Variants in GALNT13 observed in about 807,000 individuals in gnomAD.
GALNT13 encodes polypeptide N-acetylgalactosaminyltransferase 13.
GALNT13 carries 28 observed loss-of-function variants against 64.2 expected under a neutral mutation model. The observed-to-expected ratio is 0.44, with a 90% CI of 0.32 to 0.60. The LOEUF is 0.60. GALNT13 is among the 20% of genes least tolerant of loss of function. GALNT13 has a pLI of 0.05. For missense variants in GALNT13, 577 were observed against 669.8 expected (o/e 0.86, Z 1.53); for synonymous variants, 214 against 224.6 (o/e 0.95, Z 0.42).
intron 4 of GALNT13, among the ~76,000 whole-genome samples, chr2:154,228,793 G>C (rs1420278953): frequency 1.3e-5 from 2 of 152,116 alleles, no homozygotes; most frequent in Non-Finnish European, 2.9e-5. Flanking sequence ...AGGATGTGGT[G>C]ATCTGGTGAG....
chr2:154,446,071 C>T (rs1416245673), intron 12 of GALNT13, among the ~76,000 whole-genome samples: 2 of 151,962 alleles, frequency 1.3e-5, no homozygotes, highest in East Asian at 1.9e-4. Context: ...CTTGTAAAAA[C>T]ATAAGTGGGA....
the GALNT13 span, among the ~76,000 whole-genome samples, chr2:153,086,357 G>T: frequency 6.6e-6 from 1 of 152,132 alleles, no homozygotes; most frequent in East Asian, 1.9e-4. Flanking sequence ...AAATGATATG[G>T]TTTGGCTATG....
the GALNT13 span, among the ~76,000 whole-genome samples, chr2:153,193,951 C>T: frequency 6.7e-6 from 1 of 148,398 alleles, no homozygotes; most frequent in East Asian, 1.9e-4. Flanking sequence ...AAGATTTCTG[C>T]TGAGAAGTCT....
Position 154,395,971 on chromosome 2 carries a change from G to GT in GALNT13, c.1157-17dup. 6.3e-7 allele frequency: 1 copy of GT among 1,576,512 alleles called. No homozygotes were observed. Among genetic ancestry groups the GT allele is most frequent in the Non-Finnish European group, 8.6e-7 (1 of 1,163,946 alleles). Reference sequence around the variant, plus strand: ...ACAAAAATAGCACAAACTGATTTGTGTTTCTCTGAAAAATTCCAGGTGTTG... The same window carrying GT: ...ACAAAAATAGCACAAACTGATTTGTGTTTTCTCTGAAAAATTCCAGGTGTTG... On this transcript the variant is annotated intron_variant, in intron 9 of 12. Coordinates refer to ENST00000392825, the MANE Select transcript of GALNT13 (RefSeq NM_052917.4).
the GALNT13 span, among the ~76,000 whole-genome samples, chr2:153,671,190 A>G: frequency 6.6e-6 from 1 of 152,170 alleles, no homozygotes; most frequent in Non-Finnish European, 1.5e-5. Context: ...AAATTCAGGA[A>G]ATACAGAGAA....
chr2:153,258,101 G>C, the GALNT13 span, among the ~76,000 whole-genome samples: 26 of 152,156 alleles, frequency 1.7e-4, 1 homozygote, highest in Non-Finnish European at 2.9e-5. Flanking sequence ...TTTAAAAAAA[G>C]TCTTAGAGAT....
the GALNT13 span, among the ~76,000 whole-genome samples, chr2:153,607,906 A>G: frequency 1.3e-5 from 2 of 152,146 alleles, no homozygotes; most frequent in African/African-American, 2.4e-5. Flanking sequence ...AGCCACACAT[A>G]GTTAGCTAGA....
At chr2:154,347,119 AATG>A (rs1696111711) in intron 9 of GALNT13, among the ~76,000 whole-genome samples, 1 of 152,154 alleles carries the variant, frequency 6.6e-6, no homozygotes, top group Non-Finnish European at 1.5e-5. Context: ...CACCAGCAAT[AATG>A]ATTGTTAAAA....
chr2:153,532,540 T>C, the GALNT13 span, among the ~76,000 whole-genome samples: 3 of 152,250 alleles, frequency 2.0e-5, no homozygotes, highest in African/African-American at 7.2e-5. Flanking sequence ...TCTTTACTTA[T>C]GCAAATTTCT....
the GALNT13 span, among the ~76,000 whole-genome samples, chr2:153,506,682 C>A: frequency 6.6e-6 from 1 of 152,200 alleles, no homozygotes; most frequent in East Asian, 1.9e-4. Context: ...TCCCTTCTAG[C>A]TTGTAGGGTT....
At chr2:153,186,588 G>A in the GALNT13 span, among the ~76,000 whole-genome samples, 3 of 150,160 alleles carry the variant, frequency 2.0e-5, no homozygotes, top group Admixed American at 2.0e-4. Flanking sequence ...TTTTTTTTGA[G>A]ATGGAATTTT....
chr2:154,124,189 T>A (rs1682121847), intron 3 of GALNT13, among the ~76,000 whole-genome samples: 1 of 151,968 alleles, frequency 6.6e-6, no homozygotes, highest in African/African-American at 2.4e-5. Context: ...ATCATTCAGA[T>A]GAGACCAATC....
chr2:153,398,132 C>A, the GALNT13 span, among the ~76,000 whole-genome samples: 1 of 144,464 alleles, frequency 6.9e-6, no homozygotes, highest in Non-Finnish European at 1.5e-5. Flanking sequence ...TCCATGAGAT[C>A]TCATTGTTCA....
At chr2:153,433,570 C>A in the GALNT13 span, among the ~76,000 whole-genome samples, 1 of 151,978 alleles carries the variant, frequency 6.6e-6, no homozygotes, top group Non-Finnish European at 1.5e-5. Flanking sequence ...AAGTTTCAGA[C>A]TTTAATAATA....
the GALNT13 span, among the ~76,000 whole-genome samples, chr2:153,755,151 C>G: frequency 6.6e-6 from 1 of 152,122 alleles, no homozygotes; most frequent in Non-Finnish European, 1.5e-5. Context: ...AAACCAACTA[C>G]GATTGCTCAT....
At chr2:154,430,840 C>A (rs1318649328) in intron 11 of GALNT13, among the ~76,000 whole-genome samples, 1 of 152,046 alleles carries the variant, frequency 6.6e-6, no homozygotes, top group East Asian at 1.9e-4. Flanking sequence ...TGAGGCAAGA[C>A]CCTCCATCAG....
chr2:153,677,704 A>T, the GALNT13 span, among the ~76,000 whole-genome samples: 1 of 152,116 alleles, frequency 6.6e-6, no homozygotes, highest in Admixed American at 6.6e-5. Flanking sequence ...CTCTTACAAA[A>T]ATAGACACAG....
At chr2:153,822,225 C>T in the GALNT13 span, among the ~76,000 whole-genome samples, 2 of 152,072 alleles carry the variant, frequency 1.3e-5, no homozygotes, top group South Asian at 4.1e-4. Flanking sequence ...TCTTCTGTAA[C>T]CCATTCCACA....
chr2:154,115,977 A>T (rs1252106809), intron 3 of GALNT13, among the ~76,000 whole-genome samples: 1 of 152,030 alleles, frequency 6.6e-6, no homozygotes, highest in Non-Finnish European at 1.5e-5. Context: ...GCCCGCTGGG[A>T]CTCTATTCTA....
Sources: allele counts gnomAD v4.1 joint callset (sites outside exome capture counted in the v4.1 genomes callset), GRCh38; gene constraint gnomAD v4.1.1; transcripts MANE v1.5; gene names NCBI Gene and HGNC (gene_info 2026-07-23, HGNC 2026-07-21).